AAK1: variants seen among roughly 807,000 people sequenced by gnomAD.
AAK1 encodes AP2 associated kinase 1.
In AAK1, 37 loss-of-function variants were observed where a neutral mutation model predicts 116.0. The ratio of observed to expected loss-of-function variants is 0.32; its 90% CI spans 0.25 to 0.42. The LOEUF (loss-of-function observed/expected upper bound fraction) is 0.42. Among genes scored for constraint, AAK1 ranks in the 10% least tolerant of loss-of-function variants. The probability of loss-of-function intolerance (pLI) is 1.00; values close to 1 mark genes in which losing one functional copy is unlikely to be tolerated. For synonymous variants in AAK1, 458 were observed against 439.9 expected (o/e 1.04, Z -0.51); for missense variants, 919 against 1,170.6 (o/e 0.79, Z 3.14).
chr2:69,614,222 T>C (rs2105223418), intron 2 of AAK1, among the ~76,000 whole-genome samples: 1 of 152,208 alleles, frequency 6.6e-6, no homozygotes, highest in East Asian at 1.9e-4. Context: ...TGTCCATGAC[T>C]AGAGAGAAAT....
rs1478487253 is a variant in AAK1, at chr2:69,469,861, C to T, written c.*6008G>A. The T allele has an allele frequency of 3.0e-6, 3 of 985,266 alleles. No homozygotes were observed. The highest frequency in any genetic ancestry group is 6.1e-5 in the Admixed American group (1 of 16,266). The allele number at this position is 985,266 out of a possible 1,614,324, so 61.0% of individuals were successfully genotyped here. The stretch of plus-strand genomic sequence containing the variant: ...TTGACACTTTCAATATGGGTAACTC[C>T]ATATTAGTCTATTTTGAGGCTCCAA... On this transcript the variant is annotated 3_prime_UTR_variant, in exon 22 of 22. Coordinates refer to ENST00000409085, the MANE Select transcript of AAK1 (RefSeq NM_014911.5).
Position 69,520,627 on chromosome 2 carries a change from A to G in AAK1, c.1210+207T>C, listed in dbSNP as rs149302956. Among the ~76,000 whole-genome samples, 1,260 of 152,104 alleles carry G rather than the reference A, an allele frequency of 8.3e-3. 5 individuals carry two copies. Among genetic ancestry groups the G allele is most frequent in the Admixed American group, 0.011 (164 of 15,290 alleles). On this transcript the variant is annotated intron_variant, in intron 11 of 21. Transcript: ENST00000409085. ...GATGATTCACCCGCCTTAGCCTCCC[A>G]AAGTGTTGGGATTACAGGCATGAGC...
chr2:69,626,502 A>T (rs1187381185), intron 2 of AAK1, among the ~76,000 whole-genome samples: 2 of 142,792 alleles, frequency 1.4e-5, no homozygotes, highest in East Asian at 2.1e-4. Context: ...AATTATTATT[A>T]TTATTATTTT....
chr2:69,609,608 G>A (rs2105213644), intron 2 of AAK1, among the ~76,000 whole-genome samples: 1 of 152,234 alleles, frequency 6.6e-6, no homozygotes, highest in African/African-American at 2.4e-5. Flanking sequence ...AGGTTGCAGT[G>A]AGCCGAGATT....
chr2:69,475,348 C>T lies in AAK1; in HGVS notation c.*521G>A. 1 of 986,830 alleles carries T rather than the reference C, an allele frequency of 1.0e-6. No individual in the cohort carries two copies. The highest frequency in any genetic ancestry group is 1.2e-6 in the Non-Finnish European group (1 of 830,780). The allele number at this position is 986,830 out of a possible 1,614,324, so 61.1% of individuals were successfully genotyped here. Reference sequence around the variant, plus strand: ...TTTTACCCTTTCTTAAACCACACACCCATCTCCAGGCTACTGCCTAGAGTT... The same window carrying T: ...TTTTACCCTTTCTTAAACCACACACTCATCTCCAGGCTACTGCCTAGAGTT... On this transcript the variant is annotated 3_prime_UTR_variant, in exon 22 of 22. Transcript: ENST00000409085.
At chr2:69,559,686 G>C (rs1347352676) in intron 2 of AAK1, among the ~76,000 whole-genome samples, 2 of 152,222 alleles carry the variant, frequency 1.3e-5, no homozygotes, top group African/African-American at 2.4e-5. Flanking sequence ...CCCATGGCTA[G>C]TTATGGGCAG....
Position 69,520,971 on chromosome 2 carries a change from G to A in AAK1, c.1073C>T (p.Pro358Leu). ...QPKARLTDPI[P>L]TTETSIAPRQ... ...GGGTGCAATTGAAGTCTCTGTGGTG[G>A]GAATGGGATCTGTCAGTCTAGAAAG... Residue 358 changes from proline (P) to leucine (L), a missense_variant, in exon 11 of 22, where the codon CCC (proline) becomes CTC (leucine). Pro to Leu is a moderately conservative substitution (Grantham distance 98, BLOSUM62 -3). Around this residue, in one of 4 missense-constraint regions of AAK1, gnomAD observed 317 missense variants for 490.4 expected, o/e 0.65. Coordinates refer to ENST00000409085, the MANE Select transcript of AAK1 (RefSeq NM_014911.5). The A allele has an allele frequency of 6.2e-7, 1 of 1,613,964 alleles. No individual in the cohort carries two copies. The highest frequency in any genetic ancestry group is 8.5e-7 in the Non-Finnish European group (1 of 1,179,860).
intron 2 of AAK1, among the ~76,000 whole-genome samples, chr2:69,557,206 T>C (rs572710128): frequency 2.0e-5 from 3 of 152,174 alleles, no homozygotes; most frequent in African/African-American, 7.2e-5. Flanking sequence ...CAAACACCTA[T>C]CTTAGGATAA....
At chr2:69,617,413 T>C (rs1457514613) in intron 2 of AAK1, among the ~76,000 whole-genome samples, 1 of 152,170 alleles carries the variant, frequency 6.6e-6, no homozygotes, top group Non-Finnish European at 1.5e-5. Context: ...TTTAATCCTC[T>C]GGGCATAGTT....
intron 2 of AAK1, among the ~76,000 whole-genome samples, chr2:69,622,097 G>A (rs999997608): frequency 1.1e-4 from 16 of 152,362 alleles, no homozygotes; most frequent in South Asian, 2.1e-4. Flanking sequence ...AGGTGCGGGC[G>A]GGAACCGGGG....
At chr2:69,523,672 G>A (rs1462174695) in intron 10 of AAK1, among the ~76,000 whole-genome samples, 8 of 152,178 alleles carry the variant, frequency 5.3e-5, no homozygotes, top group African/African-American at 1.9e-4. Context: ...TCATCTACAG[G>A]GAGCATAAAA....
intron 2 of AAK1, among the ~76,000 whole-genome samples, chr2:69,579,084 C>T (rs1249849212): frequency 6.6e-6 from 1 of 152,186 alleles, no homozygotes; most frequent in East Asian, 1.9e-4. Context: ...CCCCTTTCCT[C>T]TCTTTTACAA....
Position 69,475,111 on chromosome 2 carries a change from C to A in AAK1, c.*758G>T, listed in dbSNP as rs1674805336. The A allele has an allele frequency of 1.1e-5, 11 of 985,606 alleles. No homozygotes were observed. Among genetic ancestry groups the A allele is most frequent in the South Asian group, 9.4e-5 (2 of 21,278 alleles). The allele number at this position is 985,606 out of a possible 1,614,324, so 61.1% of individuals were successfully genotyped here. A position where few individuals can be genotyped will look rare whatever the true frequency, so the allele number is the denominator to read the frequency against. On this transcript the variant is annotated 3_prime_UTR_variant, in exon 22 of 22. Transcript: ENST00000409085. ...CAATACTTGGGATTTATATAACGTA[C>A]ACATTGTATCCAAGGATCTCAAATA...
intron 4 of AAK1, among the ~76,000 whole-genome samples, chr2:69,543,676 G>C (rs1670815092): frequency 6.6e-6 from 1 of 152,184 alleles, no homozygotes; most frequent in Non-Finnish European, 1.5e-5. Flanking sequence ...AAAGTGCTGG[G>C]ATTACAGGCA....
At chr2:69,477,914 T>G (rs1674913281) in intron 20 of AAK1, among the ~76,000 whole-genome samples, 1 of 152,206 alleles carries the variant, frequency 6.6e-6, no homozygotes. Flanking sequence ...AGAAGACTAC[T>G]TTCACTACCC....
chr2:69,622,504 C>T (rs957026480), intron 2 of AAK1, among the ~76,000 whole-genome samples: 46 of 152,344 alleles, frequency 3.0e-4, no homozygotes, highest in African/African-American at 1.1e-3. Flanking sequence ...GCTGGGCTCC[C>T]GAGTCTAGTG....
chr2:69,640,014 AACACACACACACACAC>A (rs376034914), intron 2 of AAK1, among the ~76,000 whole-genome samples: 21 of 103,772 alleles, frequency 2.0e-4, no homozygotes, highest in Admixed American at 1.1e-3. Flanking sequence ...ACTCCCCTTT[AACACACACACACACAC>A]ACACACACAC....
intron 2 of AAK1, among the ~76,000 whole-genome samples, chr2:69,588,790 G>A (rs1672897589): frequency 6.6e-6 from 1 of 151,784 alleles, no homozygotes; most frequent in African/African-American, 2.4e-5. Context: ...TTATCCAATG[G>A]CACATGTGAT....
At chr2:69,495,540 AAT>A (rs1257676221) in intron 17 of AAK1, among the ~76,000 whole-genome samples, 1 of 152,172 alleles carries the variant, frequency 6.6e-6, no homozygotes, top group Non-Finnish European at 1.5e-5. Context: ...TATATTATAA[AAT>A]AAAAAGGCAT....
Sources: allele counts gnomAD v4.1 joint callset (sites outside exome capture counted in the v4.1 genomes callset), GRCh38; gene constraint gnomAD v4.1.1; regional missense constraint gnomAD v4.1.1; transcripts MANE v1.5; gene names NCBI Gene and HGNC (gene_info 2026-07-23, HGNC 2026-07-21).